COL25A1: variants seen among roughly 807,000 people sequenced by gnomAD.
COL25A1 encodes the protein collagen alpha-1(XXV) chain.
A neutral mutation model predicts 128.4 loss-of-function variants in COL25A1; 103 were observed. The ratio of observed to expected loss-of-function variants is 0.80; its 90% confidence interval spans 0.68 to 0.94. The LOEUF (loss-of-function observed/expected upper bound fraction) is 0.94, where lower values mean the gene tolerates loss of function less well. COL25A1 is among the 40% of genes least tolerant of loss of function. The pLI, the probability that COL25A1 is intolerant of heterozygous loss-of-function variation, is 0.00. For missense variants in COL25A1, 745 were observed against 840.0 expected, an observed-to-expected ratio of 0.89 and a Z score of 1.40; for synonymous variants, 279 against 277.2, an observed-to-expected ratio of 1.01 and a Z score of -0.06.
At chr4:109,218,356 G>GTTTTTTTTTTT (rs796441649) in intron 3 of COL25A1, among the ~76,000 whole-genome samples, 15 of 100,468 alleles carry the variant, frequency 1.5e-4, no homozygotes, top group African/African-American at 5.3e-4. Flanking sequence ...GGTTTTTTGG[G>GTTTTTTTTTTT]GTTTTTTTTT....
At chr4:108,904,623 T>C (rs1489161529) in intron 13 of COL25A1, among the ~76,000 whole-genome samples, 1 of 151,754 alleles carries the variant, frequency 6.6e-6, no homozygotes, top group Admixed American at 6.6e-5. Flanking sequence ...GGGAACCAGG[T>C]TGTGTGTGTG....
At chr4:109,218,357 G>GTTTTTTGTTTGTTTGTTTGTTT (rs1778164499) in intron 3 of COL25A1, among the ~76,000 whole-genome samples, 9 of 73,524 alleles carry the variant, frequency 1.2e-4, no homozygotes, top group African/African-American at 4.5e-4. Flanking sequence ...GTTTTTTGGG[G>GTTTTTTGTTTGTTTGTTTGTTT]TTTTTTTTTT....
intron 35 of COL25A1, chr4:108,819,786 G>A: frequency 8.6e-7 from 1 of 1,165,816 alleles, no homozygotes. Context: ...CAAACATCTG[G>A]AGACAGTTCC....
intron 3 of COL25A1, among the ~76,000 whole-genome samples, chr4:109,267,408 T>A (rs930982665): frequency 6.6e-6 from 1 of 152,130 alleles, no homozygotes; most frequent in African/African-American, 2.4e-5. Flanking sequence ...TCCTATTCAA[T>A]TGTATTTCTA....
chr4:108,852,724 C>T lies in COL25A1; in HGVS notation c.1344+178G>A, dbSNP rs576992079. On this transcript the variant is annotated intron_variant, in intron 25 of 37. Coordinates refer to ENST00000399132, the MANE Select transcript of COL25A1 (RefSeq NM_198721.4). ...AATTAGCAATCACTTTTTTCTTGAC[C>T]TTTTCACTAAGCAGACAAAGTGATT... 1.2e-3 allele frequency among the ~76,000 whole-genome samples: 177 copies of T among 152,188 alleles called. 1 individual carries two copies. Among genetic ancestry groups the T allele is most frequent in the African/African-American group, 4.1e-3 (169 of 41,528 alleles).
At chr4:109,270,724 A>C (rs73838558) in intron 3 of COL25A1, among the ~76,000 whole-genome samples, 1 of 152,050 alleles carries the variant, frequency 6.6e-6, no homozygotes, top group Admixed American at 6.6e-5. Flanking sequence ...ACAGAACTAA[A>C]CCCATTTATT....
chr4:108,846,119 AACAG>A lies in COL25A1; in HGVS notation c.1515+16_1515+19del. 1 of 1,510,768 alleles carries A rather than the reference AACAG, an allele frequency of 6.6e-7. No homozygotes were observed. The highest frequency in any genetic ancestry group is 9.2e-7 in the Non-Finnish European group (1 of 1,087,242). 93.6% of individuals were successfully genotyped at this position (1,510,768 alleles called of 1,614,324 possible). On this transcript the variant is annotated intron_variant, in intron 28 of 37. Coordinates refer to ENST00000399132, the MANE Select transcript of COL25A1 (RefSeq NM_198721.4). ...GAACATAATATAAAAAGTATAAACA[AACAG>A]AAAGTATAAACATACCGGTAATCCA...
chr4:108,881,759 T>G (rs186097544), intron 19 of COL25A1, among the ~76,000 whole-genome samples: 205 of 152,322 alleles, frequency 1.3e-3, no homozygotes, highest in African/African-American at 4.5e-3. Context: ...TATCTTTAAA[T>G]TGTCTCCTTT....
chr4:109,218,382 T>TTTTTTTG, intron 3 of COL25A1, among the ~76,000 whole-genome samples: 1 of 130,978 alleles, frequency 7.6e-6, no homozygotes, highest in African/African-American at 3.0e-5. Context: ...TTTTTTTTTT[T>TTTTTTTG]GCTTTTGAAC....
intron 3 of COL25A1, among the ~76,000 whole-genome samples, chr4:109,124,641 A>G (rs1215179299): frequency 6.6e-6 from 1 of 151,996 alleles, no homozygotes; most frequent in Non-Finnish European, 1.5e-5. Flanking sequence ...TAAATAATTA[A>G]GTTTTCCCTC....
intron 5 of COL25A1, among the ~76,000 whole-genome samples, chr4:109,035,218 G>T (rs1042616099): frequency 1.3e-5 from 2 of 152,132 alleles, no homozygotes; most frequent in African/African-American, 4.8e-5. Context: ...CTGACTTCCA[G>T]TCCCCAAGCA....
At chr4:108,908,498 G>A (rs1578731481) in intron 13 of COL25A1, among the ~76,000 whole-genome samples, 1 of 152,056 alleles carries the variant, frequency 6.6e-6, no homozygotes. Flanking sequence ...TGTGTAACAC[G>A]CAAAAGTAAA....
intron 3 of COL25A1, among the ~76,000 whole-genome samples, chr4:109,226,191 C>T (rs1294359882): frequency 1.3e-5 from 2 of 151,874 alleles, no homozygotes; most frequent in African/African-American, 4.8e-5. Flanking sequence ...TGCACACAGA[C>T]ATGGAGTGTG....
chr4:109,070,327 G>A (rs778805488), intron 3 of COL25A1, among the ~76,000 whole-genome samples: 6 of 150,330 alleles, frequency 4.0e-5, no homozygotes, highest in Non-Finnish European at 8.9e-5. Flanking sequence ...GCATGTATTT[G>A]ATAAGTTTAT....
At position 109,231,518 on chromosome 4, in the gene COL25A1, A is replaced by G. The variant is rs188296971; in HGVS notation, c.367+69065T>C. Among the ~76,000 whole-genome samples the G allele has an allele frequency of 1.8e-4, 27 of 152,344 alleles. No individual in the cohort carries two copies. In the East Asian group the frequency reaches 5.0e-3, roughly 28 times the overall value. ...AAATTCACAGAGAAATCCAGGAAAG[A>G]CAACTGCAGAGAGGCAGTGGCTCTT... On this transcript the variant is annotated intron_variant, in intron 3 of 37. Transcript: ENST00000399132.
At chr4:108,827,283 C>T in intron 32 of COL25A1, 95 bp from the exon 33 acceptor site, 1 of 1,065,238 alleles carries the variant, frequency 9.4e-7, no homozygotes, top group Admixed American at 1.8e-5. Context: ...ATTTCAAGGA[C>T]CATTCTATGA....
At chr4:109,189,010 T>C (rs1775368979) in intron 3 of COL25A1, among the ~76,000 whole-genome samples, 1 of 152,160 alleles carries the variant, frequency 6.6e-6, no homozygotes. Context: ...CTAAAATGAA[T>C]GTTTTCTTCA....
chr4:108,947,457 A>C (rs1158299580), intron 8 of COL25A1, among the ~76,000 whole-genome samples: 1 of 152,006 alleles, frequency 6.6e-6, no homozygotes, highest in African/African-American at 2.4e-5. Flanking sequence ...AAAAAAGAAA[A>C]AGAAAAAGAA....
At chr4:109,173,222 A>G (rs1001641721) in intron 3 of COL25A1, among the ~76,000 whole-genome samples, 1 of 151,982 alleles carries the variant, frequency 6.6e-6, no homozygotes, top group Non-Finnish European at 1.5e-5. Context: ...AATAGCTAGG[A>G]CTACAGGCAC....
Sources: gnomAD v4.1 joint callset for allele counts (sites outside exome capture counted in the v4.1 genomes callset) on GRCh38, gnomAD v4.1.1 for gene constraint, MANE v1.5 for transcripts, NCBI Gene and HGNC (gene_info 2026-07-23, HGNC 2026-07-21) for gene names.